Variants in HDLBP observed in about 807,000 individuals in gnomAD.
The protein encoded by HDLBP is high density lipoprotein binding protein, also known as vigilin.
Under a neutral mutation model 137.3 loss-of-function variants are expected in HDLBP, and 30 were observed. The observed-to-expected ratio is 0.22, with a 90% confidence interval of 0.16 to 0.30. HDLBP has a LOEUF of 0.30. Among genes scored for constraint, HDLBP ranks in the 10% least tolerant of loss-of-function variants. HDLBP has a pLI of 1.00. For missense variants in HDLBP, 1,119 were observed against 1,667.3 expected, an observed-to-expected ratio of 0.67 and a Z score of 5.73; for synonymous variants, 606 against 596.0, an observed-to-expected ratio of 1.02 and a Z score of -0.24.
intron 1 of HDLBP, among the ~76,000 whole-genome samples, chr2:241,299,149 G>A (rs779687009): frequency 2.6e-5 from 4 of 152,174 alleles, no homozygotes; most frequent in South Asian, 4.1e-4. Context: ...TACGGTACCC[G>A]TACCTCCTCT....
chr2:241,292,708 G>A (rs1188368174), intron 1 of HDLBP, among the ~76,000 whole-genome samples: 5 of 152,140 alleles, frequency 3.3e-5, no homozygotes, highest in Admixed American at 3.3e-4. Context: ...AGTGGGCAGG[G>A]CTATAGTAAA....
intron 1 of HDLBP, among the ~76,000 whole-genome samples, chr2:241,298,005 G>A (rs1375655884): frequency 2.3e-5 from 3 of 129,520 alleles, no homozygotes; most frequent in Non-Finnish European, 4.6e-5. Context: ...CCGAGAGCTC[G>A]CTACTGCACT....
At chr2:241,276,837 A>C (rs1291423122) in intron 1 of HDLBP, among the ~76,000 whole-genome samples, 1 of 152,194 alleles carries the variant, frequency 6.6e-6, no homozygotes, top group Admixed American at 6.5e-5. Flanking sequence ...CCAAGGTTAA[A>C]GGGTGAGACT....
chr2:241,279,385 A>C (rs2074515638), intron 1 of HDLBP, among the ~76,000 whole-genome samples: 1 of 152,236 alleles, frequency 6.6e-6, no homozygotes, highest in South Asian at 2.1e-4. Flanking sequence ...TTACAAATAC[A>C]ATCATATTTA....
intron 1 of HDLBP, chr2:241,315,220 C>T (rs1297703544): frequency 6.6e-6 from 1 of 152,148 alleles, no homozygotes; most frequent in African/African-American, 2.4e-5. Context: ...GGACGCCCGA[C>T]TCGATGGTCT....
intron 11 of HDLBP, chr2:241,250,261 C>A: frequency 3.3e-6 from 1 of 299,896 alleles, no homozygotes; most frequent in Non-Finnish European, 6.2e-6. Context: ...TGGGGCCACT[C>A]AGTCTGGGAT....
chr2:241,306,942 C>T (rs997676818), intron 1 of HDLBP, among the ~76,000 whole-genome samples: 6 of 128,996 alleles, frequency 4.7e-5, no homozygotes, highest in Non-Finnish European at 9.8e-5. Context: ...CTGATAAGAA[C>T]AGGTCCAGGG....
Position 241,240,302 on chromosome 2 carries a change from AC to A in HDLBP, c.2170-181del. On this transcript the variant is annotated intron_variant, in intron 17 of 27. Coordinates refer to ENST00000310931, the MANE Select transcript of HDLBP (RefSeq NM_005336.6). The surrounding 1 kb of genome is among the most constrained non-coding windows in gnomAD (Gnocchi z 5.5). ...CACCTCACTGAATAAACAGATGAAT[AC>A]CCAGACTGCACACCTACTTCTCTTC... 1.5e-6 allele frequency: 1 copy of A among 646,448 alleles called. No individual in the cohort carries two copies. Among genetic ancestry groups the A allele is most frequent in the Non-Finnish European group, 2.8e-6 (1 of 356,018 alleles). 40.0% of individuals were successfully genotyped at this position (646,448 alleles called of 1,614,324 possible). A position where few individuals can be genotyped will look rare whatever the true frequency, so the allele number is the denominator to read the frequency against.
At chr2:241,311,749 C>A (rs2075764154) in intron 1 of HDLBP, among the ~76,000 whole-genome samples, 1 of 152,138 alleles carries the variant, frequency 6.6e-6, no homozygotes. Context: ...GAAAACAATC[C>A]TATTATACCA....
intron 17 of HDLBP, among the ~76,000 whole-genome samples, chr2:241,241,613 C>T (rs1269503565): frequency 1.0e-5 from 1 of 96,322 alleles, no homozygotes; most frequent in Non-Finnish European, 2.0e-5. Flanking sequence ...ATCCACAAAA[C>T]AGTGACTGGC....
chr2:241,253,108 T>C (rs2072329976), intron 10 of HDLBP, 73 bp from the exon 11 acceptor site: 2 of 1,110,274 alleles, frequency 1.8e-6, no homozygotes, highest in South Asian at 2.6e-5. Flanking sequence ...AACCCAGCAG[T>C]CTCCACGGTT....
At chr2:241,235,411 G>T in intron 22 of HDLBP, 79 bp downstream of exon 22, 1 of 1,462,748 alleles carries the variant, frequency 6.8e-7, no homozygotes, top group Non-Finnish European at 9.5e-7. Flanking sequence ...TCAACAGGAA[G>T]TTGAGAAAGG....
At chr2:241,264,638 C>T (rs1013310064) in intron 3 of HDLBP, 33 bp from the exon 4 acceptor site, 2 of 1,595,230 alleles carry the variant, frequency 1.3e-6, no homozygotes, top group Admixed American at 1.7e-5. Flanking sequence ...AAAGGAAGCA[C>T]TACTTTTAGC....
At chr2:241,235,055 A>G (rs1215428481) in intron 23 of HDLBP, 66 bp downstream of exon 23, 1 of 1,579,032 alleles carries the variant, frequency 6.3e-7, no homozygotes, top group African/African-American at 1.3e-5. Flanking sequence ...ACTTCCCTAG[A>G]TTCTGACATG....
chr2:241,281,309 G>A (rs952769823), intron 1 of HDLBP, among the ~76,000 whole-genome samples: 1 of 152,030 alleles, frequency 6.6e-6, no homozygotes, highest in Non-Finnish European at 1.5e-5. Context: ...AGCCGAGATC[G>A]CGCCATTGCA....
At chr2:241,252,904 C>T (rs569592876) in intron 11 of HDLBP, 53 bp downstream of exon 11, 42 of 1,255,662 alleles carry the variant, frequency 3.3e-5, no homozygotes, top group Admixed American at 2.9e-4. Context: ...CTGACACCCC[C>T]CACAAGGGTC....
chr2:241,313,156 T>G (rs1255459458), intron 1 of HDLBP, among the ~76,000 whole-genome samples: 1 of 152,250 alleles, frequency 6.6e-6, no homozygotes, highest in African/African-American at 2.4e-5. Context: ...CTATTTCCTA[T>G]GTCCACACCT....
In HDLBP at chr2:241,272,229, G is replaced by A. The variant is rs1249235842; in HGVS notation, c.-102-3688C>T. On this transcript the variant is annotated intron_variant, in intron 1 of 27. Transcript: ENST00000310931. The surrounding 1 kb of genome is among the most constrained non-coding windows in gnomAD (Gnocchi z 5.6). ...GCGGGGGCCCCGCCGCCCGGTCTGC[G>A]CCCAGACCCCCGCCCCGCCGCCACC... 4 of 974,702 alleles carry A rather than the reference G, an allele frequency of 4.1e-6. No homozygotes were observed. Among genetic ancestry groups the A allele is most frequent in the Non-Finnish European group, 4.9e-6 (4 of 820,364 alleles). The allele number at this position is 974,702 out of a possible 1,614,324, so 60.4% of individuals were successfully genotyped here.
At chr2:241,284,018 T>C in intron 1 of HDLBP, among the ~76,000 whole-genome samples, 1 of 129,558 alleles carries the variant, frequency 7.7e-6, no homozygotes, top group East Asian at 2.5e-4. Flanking sequence ...CGTTAAGATC[T>C]ACTGCCCAGA....
Sources: gnomAD v4.1 joint callset for allele counts (sites outside exome capture counted in the v4.1 genomes callset) on GRCh38, gnomAD v4.1.1 for gene constraint, Gnocchi (gnomAD v3.1) non-coding constraint, MANE v1.5 for transcripts, NCBI Gene and HGNC (gene_info 2026-07-23, HGNC 2026-07-21) for gene names.